ZC2HC1B: variants seen among roughly 807,000 people sequenced by gnomAD.
ZC2HC1B encodes zinc finger C2HC-type containing 1B.
A neutral mutation model predicts 31.0 loss-of-function variants in ZC2HC1B; 36 were observed. The observed-to-expected ratio is 1.16, with a 90% CI of 0.89 to 1.54. The LOEUF is 1.54. Ranked by LOEUF, ZC2HC1B falls within the 40% of genes most tolerant of loss-of-function variation. ZC2HC1B has a pLI of 0.00. For synonymous variants in ZC2HC1B, 73 were observed against 88.0 expected (o/e 0.83, Z 0.95); for missense variants, 260 against 268.6 (o/e 0.97, Z 0.22).
chr6:143,884,849 A>G lies in ZC2HC1B; in HGVS notation c.90+484A>G, dbSNP rs1777510898. Among the ~76,000 whole-genome samples, 2 of 152,240 alleles carry G rather than the reference A, an allele frequency of 1.3e-5. No homozygotes were observed. The highest frequency in any genetic ancestry group is 4.1e-4 in the South Asian group (2 of 4,824). ...AACCTTCAAATTTGAGGGTTTTTAT[A>G]CCATTTGAACAAAATGATACATGGA... On this transcript the variant is annotated intron_variant, in intron 2 of 7. Coordinates refer to ENST00000237275, the MANE Select transcript of ZC2HC1B (RefSeq NM_001013623.3). The surrounding 1 kb of genome is among the most constrained non-coding windows in gnomAD (Gnocchi z 5.1).
intron 4 of ZC2HC1B, among the ~76,000 whole-genome samples, chr6:143,893,756 G>A (rs1319787496): frequency 2.6e-5 from 4 of 151,568 alleles, no homozygotes; most frequent in Non-Finnish European, 4.4e-5. Flanking sequence ...GCACCATCTC[G>A]GCTCACTGCA....
intron 6 of ZC2HC1B, among the ~76,000 whole-genome samples, chr6:143,929,729 TG>T (rs750632207): frequency 5.3e-5 from 8 of 152,120 alleles, no homozygotes; most frequent in Non-Finnish European, 1.0e-4. Context: ...TGTTGTTATT[TG>T]GGGGAGATAT....
Position 143,870,653 on chromosome 6 carries a change from G to A in ZC2HC1B, c.28+6086G>A, listed in dbSNP as rs910032684. Among the ~76,000 whole-genome samples the A allele has an allele frequency of 5.9e-5, 9 of 152,142 alleles. No individual in the cohort carries two copies. The highest frequency in any genetic ancestry group is 1.0e-4 in the Non-Finnish European group (7 of 68,034). On this transcript the variant is annotated intron_variant, in intron 1 of 7. Coordinates refer to ENST00000237275, the MANE Select transcript of ZC2HC1B (RefSeq NM_001013623.3). The surrounding 1 kb of genome is among the most constrained non-coding windows in gnomAD (Gnocchi z 4.7). ...GTGACTTGATGACCCACAGTCAAAC[G>A]TTCAGTTTCCACCAAAGCCCAGTAA...
chr6:143,921,476 GA>G lies in ZC2HC1B; in HGVS notation c.599-16172del, dbSNP rs1251548511. ...TAAATACTTGTTGAATGAAATGTATGAGGAGAAGTGGAAATCTTGATTCTAT... is the reference window on the plus strand; with the variant it reads ...TAAATACTTGTTGAATGAAATGTATGGGAGAAGTGGAAATCTTGATTCTAT... On this transcript the variant is annotated intron_variant, in intron 6 of 7. Transcript: ENST00000237275. The surrounding 1 kb of genome is among the most constrained non-coding windows in gnomAD (Gnocchi z 6.1). Among the ~76,000 whole-genome samples the G allele has an allele frequency of 6.6e-6, 1 of 152,192 alleles. No homozygotes were observed. The highest frequency in any genetic ancestry group is 1.5e-5 in the Non-Finnish European group (1 of 68,038).
Position 143,924,521 on chromosome 6 carries a change from G to T in ZC2HC1B, c.599-13128G>T, listed in dbSNP as rs1343491235. 6.6e-6 allele frequency among the ~76,000 whole-genome samples: 1 copy of T among 151,994 alleles called. No homozygotes were observed. Among genetic ancestry groups the T allele is most frequent in the Non-Finnish European group, 1.5e-5 (1 of 67,974 alleles). On this transcript the variant is annotated intron_variant, in intron 6 of 7. Coordinates refer to ENST00000237275, the MANE Select transcript of ZC2HC1B (RefSeq NM_001013623.3). The surrounding 1 kb of genome is among the most constrained non-coding windows in gnomAD (Gnocchi z 5.2). ...CTCTGGCAAGGACTTCCAGTACTATGTTGAATAAAAGTGATGACCCTATCT... is the reference window on the plus strand; with the variant it reads ...CTCTGGCAAGGACTTCCAGTACTATTTTGAATAAAAGTGATGACCCTATCT...
At position 143,870,225 on chromosome 6, in the gene ZC2HC1B, T is replaced by C. The variant is rs1237494415; in HGVS notation, c.28+5658T>C. On this transcript the variant is annotated intron_variant, in intron 1 of 7. Coordinates refer to ENST00000237275, the MANE Select transcript of ZC2HC1B (RefSeq NM_001013623.3). This position sits in a 1 kb window ranked among gnomAD's most constrained non-coding sequence, Gnocchi z 4.7. ...GTGCACTGTTCAAAGTTCTGCCCAC[T>C]GGGAAAATTTTCCCTCACCACTTTC... is the stretch of plus-strand genomic sequence containing the variant. 6.6e-6 allele frequency among the ~76,000 whole-genome samples: 1 copy of C among 152,216 alleles called. No homozygotes were observed. Among genetic ancestry groups the C allele is most frequent in the African/African-American group, 2.4e-5 (1 of 41,464 alleles).
rs993086530 is a variant in ZC2HC1B at position 143,924,632 on chromosome 6, T to C, written c.599-13017T>C. 7.2e-5 allele frequency among the ~76,000 whole-genome samples: 11 copies of C among 152,210 alleles called. No homozygotes were observed. The highest frequency in any genetic ancestry group is 2.7e-4 in the African/African-American group (11 of 41,464). ...TTCAGCTTCTCCCCACTCAGTATTATGTTAGCTATGCATTTGTCAGATATG... is the reference window on the plus strand; with the variant it reads ...TTCAGCTTCTCCCCACTCAGTATTACGTTAGCTATGCATTTGTCAGATATG... On this transcript the variant is annotated intron_variant, in intron 6 of 7. Coordinates refer to ENST00000237275, the MANE Select transcript of ZC2HC1B (RefSeq NM_001013623.3). The surrounding 1 kb of genome is among the most constrained non-coding windows in gnomAD (Gnocchi z 5.2).
intron 5 of ZC2HC1B, 149 bp downstream of exon 5, chr6:143,898,840 ACTT>A: frequency 9.7e-7 from 1 of 1,033,476 alleles, no homozygotes; most frequent in Non-Finnish European, 1.4e-6. Flanking sequence ...GTGGGAGCTG[ACTT>A]CTTTTGCAGG....
intron 6 of ZC2HC1B, among the ~76,000 whole-genome samples, chr6:143,919,347 C>T (rs73000553): frequency 0.1 from 15,271 of 151,220 alleles, 774 homozygotes; most frequent in Middle Eastern, 0.13. Flanking sequence ...GTGCCTTTCT[C>T]TGGGTGTGTC....
chr6:143,888,957 CTTGTCTTGTGTTTTCCATTGAGGA>C (rs1172762445), intron 4 of ZC2HC1B, among the ~76,000 whole-genome samples: 1 of 151,946 alleles, frequency 6.6e-6, no homozygotes, highest in Non-Finnish European at 1.5e-5. Context: ...AGTAGACATC[CTTGTCTTGTGTTTTCCATTGAGGA>C]TAATATCAAC....
rs1004975562 is a variant in ZC2HC1B at position 143,924,218 on chromosome 6, A to T, written c.599-13431A>T. 6.6e-6 allele frequency among the ~76,000 whole-genome samples: 1 copy of T among 151,760 alleles called. No individual in the cohort carries two copies. The highest frequency in any genetic ancestry group is 1.5e-5 in the Non-Finnish European group (1 of 67,900). On this transcript the variant is annotated intron_variant, in intron 6 of 7. Transcript: ENST00000237275. This position sits in a 1 kb window ranked among gnomAD's most constrained non-coding sequence, Gnocchi z 5.2. ...ATTTTTTGTAGCTATTGTAAATGAGATTGTTTTCTTTTTTAGCCAGTTTAT... is the reference window on the plus strand; with the variant it reads ...ATTTTTTGTAGCTATTGTAAATGAGTTTGTTTTCTTTTTTAGCCAGTTTAT...
At position 143,915,099 on chromosome 6, in the gene ZC2HC1B, G is replaced by A. The variant is rs986480281; in HGVS notation, c.598+11947G>A. The stretch of plus-strand genomic sequence containing the variant: ...GCATCACTGTTGATATGATTTGGCT[G>A]TGTCCTCACCCAAATTTCATCTTGA... On this transcript the variant is annotated intron_variant, in intron 6 of 7. Transcript: ENST00000237275. The surrounding 1 kb of genome is among the most constrained non-coding windows in gnomAD (Gnocchi z 5.2). 3.3e-5 allele frequency among the ~76,000 whole-genome samples: 5 copies of A among 152,154 alleles called. No homozygotes were observed. The highest frequency in any genetic ancestry group is 6.5e-5 in the Admixed American group (1 of 15,282).
intron 6 of ZC2HC1B, among the ~76,000 whole-genome samples, chr6:143,925,061 G>A (rs971726366): frequency 6.6e-6 from 1 of 150,996 alleles, no homozygotes; most frequent in Non-Finnish European, 1.5e-5. Context: ...AGAAGAATAT[G>A]TGTTAGTTTT....
At chr6:143,925,540 T>C (rs1244014343) in intron 6 of ZC2HC1B, among the ~76,000 whole-genome samples, 1 of 146,934 alleles carries the variant, frequency 6.8e-6, no homozygotes, top group Non-Finnish European at 1.5e-5. Flanking sequence ...TCTTTTCTTT[T>C]TTTTTTTTTT....
At chr6:143,929,704 T>C (rs1353361334) in intron 6 of ZC2HC1B, among the ~76,000 whole-genome samples, 1 of 151,872 alleles carries the variant, frequency 6.6e-6, no homozygotes, top group African/African-American at 2.4e-5. Flanking sequence ...TCCTGGGCTC[T>C]TTTGTTGTTG....
rs560111184 is a variant in ZC2HC1B, at chr6:143,865,982, A to AT, written c.28+1420dup. On this transcript the variant is annotated intron_variant, in intron 1 of 7. Coordinates refer to ENST00000237275, the MANE Select transcript of ZC2HC1B (RefSeq NM_001013623.3). The surrounding 1 kb of genome is among the most constrained non-coding windows in gnomAD (Gnocchi z 4.4). ...AGGTGTGCACCACCATGCCCAGCTA[A>AT]TTTTTGTATTCTTAGTAGAGACAGG... Among the ~76,000 whole-genome samples, 110 of 152,154 alleles carry AT rather than the reference A, an allele frequency of 7.2e-4. 2 individuals are homozygous for AT. The East Asian group carries it at 0.019, about 26-fold the overall frequency.
chr6:143,911,805 A>G lies in ZC2HC1B; in HGVS notation c.598+8653A>G, dbSNP rs1777860227. ...GGTTCTCCACATTTCCTGAATTTGA[A>G]TATTGGCCTGTCATGCTAGGTTGGG... On this transcript the variant is annotated intron_variant, in intron 6 of 7. Transcript: ENST00000237275. The surrounding 1 kb of genome is among the most constrained non-coding windows in gnomAD (Gnocchi z 4.5). Among the ~76,000 whole-genome samples, 1 of 152,120 alleles carries G rather than the reference A, an allele frequency of 6.6e-6. No individual in the cohort carries two copies. The highest frequency in any genetic ancestry group is 1.5e-5 in the Non-Finnish European group (1 of 68,016).
chr6:143,918,219 C>G lies in ZC2HC1B; in HGVS notation c.598+15067C>G, dbSNP rs1444194445. Among the ~76,000 whole-genome samples, 1 of 152,102 alleles carries G rather than the reference C, an allele frequency of 6.6e-6. No individual in the cohort carries two copies. Among genetic ancestry groups the G allele is most frequent in the Non-Finnish European group, 1.5e-5 (1 of 68,024 alleles). On this transcript the variant is annotated intron_variant, in intron 6 of 7. Transcript: ENST00000237275. This position sits in a 1 kb window ranked among gnomAD's most constrained non-coding sequence, Gnocchi z 4.1. ...TCTTACTTGTTGCCCAGGCTGAACT[C>G]AAGCTCCTGGGCTCAAGCAATCCTC...
At position 143,905,100 on chromosome 6, in the gene ZC2HC1B, A is replaced by G. The variant is rs1777778443; in HGVS notation, c.598+1948A>G. The stretch of plus-strand genomic sequence containing the variant: ...TAGGTTGGGCTTTTTTATTTCTGCA[A>G]GAAACATCATTGAGATTTTAACCGT... On this transcript the variant is annotated intron_variant, in intron 6 of 7. Transcript: ENST00000237275. This position sits in a 1 kb window ranked among gnomAD's most constrained non-coding sequence, Gnocchi z 4.2. Among the ~76,000 whole-genome samples, 1 of 152,242 alleles carries G rather than the reference A, an allele frequency of 6.6e-6. No individual in the cohort carries two copies. The highest frequency in any genetic ancestry group is 6.5e-5 in the Admixed American group (1 of 15,280).
Sources: gnomAD v4.1 joint callset for allele counts (sites outside exome capture counted in the v4.1 genomes callset) on GRCh38, gnomAD v4.1.1 for gene constraint, Gnocchi (gnomAD v3.1) non-coding constraint, MANE v1.5 for transcripts, NCBI Gene and HGNC (gene_info 2026-07-23, HGNC 2026-07-21) for gene names.